PCDHGB3: variants seen among roughly 807,000 people sequenced by gnomAD.
PCDHGB3 encodes the protein protocadherin gamma-B3.
In PCDHGB3, 40 loss-of-function variants were observed where a neutral mutation model predicts 59.2. That is an observed-to-expected ratio of 0.68 (90% CI 0.52 to 0.88). The LOEUF (loss-of-function observed/expected upper bound fraction) is 0.88. Ranked by LOEUF, PCDHGB3 falls within the 40% of genes least tolerant of loss-of-function variation. The pLI is 0.00. For missense variants in PCDHGB3, 1,309 were observed against 1,187.9 expected, an observed-to-expected ratio of 1.10 and a Z score of -1.50; for synonymous variants, 581 against 503.6, an observed-to-expected ratio of 1.15 and a Z score of -2.06.
intron 1 of PCDHGB3, chr5:141,386,080 T>C (rs752371819): frequency 1.3e-5 from 2 of 152,248 alleles, no homozygotes; most frequent in Non-Finnish European, 2.9e-5. Flanking sequence ...GTTTTAGTGG[T>C]ACAGCCAGAT....
intron 1 of PCDHGB3, chr5:141,409,138 A>G (rs2095229593): frequency 1.2e-6 from 2 of 1,614,046 alleles, no homozygotes; most frequent in Non-Finnish European, 1.7e-6. Flanking sequence ...TTGAAGATGT[A>G]GAAAGGTACA....
In PCDHGB3 at chr5:141,381,826, C is replaced by CTTCTTTTTTTTTTT. The variant is rs1777532522; in HGVS notation, c.2415+9019_2415+9020insCTTTTTTTTTTTTT. On this transcript the variant is annotated intron_variant, in intron 1 of 3. Transcript: ENST00000576222. ...TTTCTTTCTTTCTTTCTTTCTTCTT[C>CTTCTTTTTTTTTTT]TTTTTTTTTTTTTTTTTTTTTTGGC... Among the ~76,000 whole-genome samples the CTTCTTTTTTTTTTT allele has an allele frequency of 5.4e-5, 4 of 74,282 alleles. 1 individual carries two copies. Among genetic ancestry groups the CTTCTTTTTTTTTTT allele is most frequent in the African/African-American group, 2.5e-4 (4 of 16,176 alleles). The allele number at this position is 74,282 out of a possible 152,430, so 48.7% of individuals were successfully genotyped here.
intron 1 of PCDHGB3, chr5:141,424,652 G>T (rs1392693867): frequency 6.6e-6 from 1 of 152,120 alleles, no homozygotes; most frequent in East Asian, 1.9e-4. Context: ...AAGGTATTTG[G>T]ACTTTAATTA....
At chr5:141,421,461 G>C (rs1216014695) in intron 1 of PCDHGB3, 2 of 1,614,034 alleles carry the variant, frequency 1.2e-6, no homozygotes, top group Non-Finnish European at 8.5e-7. Context: ...TTTTCGCTGT[G>C]AATCCGCGAA....
intron 1 of PCDHGB3, chr5:141,388,709 C>T (rs370023698): frequency 1.9e-6 from 3 of 1,613,820 alleles, no homozygotes; most frequent in Admixed American, 3.3e-5. Context: ...GTGTCAATGC[C>T]GAGATTACTT....
intron 1 of PCDHGB3, chr5:141,442,400 C>G (rs1478739190): frequency 6.6e-6 from 1 of 152,224 alleles, no homozygotes; most frequent in Admixed American, 6.5e-5. Context: ...TCCTACGAAT[C>G]CAGGGCTGAG....
At position 141,485,562 on chromosome 5, in the gene PCDHGB3, C is replaced by T. The variant is rs779890454; in HGVS notation, c.2416-9245C>T. 2.5e-6 allele frequency: 4 copies of T among 1,612,910 alleles called. No homozygotes were observed. Among genetic ancestry groups the T allele is most frequent in the Admixed American group, 1.7e-5 (1 of 59,996 alleles). On this transcript the variant is annotated intron_variant, in intron 1 of 3. Transcript: ENST00000576222. The surrounding 1 kb of genome is among the most constrained non-coding windows in gnomAD (Gnocchi z 5.7). ...GAGATCGTAGATGTGAATGATCACG[C>T]CCCCCGTTTTCCGCGGCAGCAGCTG... is the stretch of plus-strand genomic sequence containing the variant.
intron 1 of PCDHGB3, among the ~76,000 whole-genome samples, chr5:141,473,404 T>A (rs953797915): frequency 6.6e-6 from 1 of 152,226 alleles, no homozygotes; most frequent in Non-Finnish European, 1.5e-5. Flanking sequence ...TCTTTTTTTC[T>A]TCTTCAGTGG....
At chr5:141,374,730 A>G (rs1770785005) in intron 1 of PCDHGB3, 1 of 1,610,644 alleles carries the variant, frequency 6.2e-7, no homozygotes, top group South Asian at 1.1e-5. Context: ...ACTGCCATGG[A>G]TGGCGGCGAC....
chr5:141,509,199 GTC>G (rs1017134758), intron 3 of PCDHGB3, among the ~76,000 whole-genome samples: 1 of 152,070 alleles, frequency 6.6e-6, no homozygotes, highest in Non-Finnish European at 1.5e-5. Context: ...AATATTTCCT[GTC>G]TCTCTATTTC....
At chr5:141,447,656 C>T (rs1352103605) in intron 1 of PCDHGB3, among the ~76,000 whole-genome samples, 1 of 152,056 alleles carries the variant, frequency 6.6e-6, no homozygotes, top group Non-Finnish European at 1.5e-5. Flanking sequence ...ATTTTCCCCC[C>T]CAGGAAGTTA....
In PCDHGB3 at chr5:141,472,816, G is replaced by A. The variant is rs1186234004; in HGVS notation, c.2416-21991G>A. On this transcript the variant is annotated intron_variant, in intron 1 of 3. Transcript: ENST00000576222. ...GCCTGACCAACATGGAGAAACCCCC[G>A]TCTCTACTAAAAATAGAAAATTAGC... 4.6e-5 allele frequency among the ~76,000 whole-genome samples: 7 copies of A among 151,374 alleles called. No individual in the cohort carries two copies. In the South Asian group the frequency reaches 6.2e-4, roughly 14 times the overall value.
chr5:141,431,604 G>C lies in PCDHGB3; in HGVS notation c.2415+58795G>C. 1 of 1,614,206 alleles carries C rather than the reference G, an allele frequency of 6.2e-7. No individual in the cohort carries two copies. Among genetic ancestry groups the C allele is most frequent in the South Asian group, 1.1e-5 (1 of 91,088 alleles). On this transcript the variant is annotated intron_variant, in intron 1 of 3. Coordinates refer to ENST00000576222, the MANE Select transcript of PCDHGB3 (RefSeq NM_018924.5). The surrounding 1 kb of genome is among the most constrained non-coding windows in gnomAD (Gnocchi z 4.8). ...AATGCGGAAGTGAGGTATTCCTTCC[G>C]GTATGTGGACGACAAGGCGGCCCAA...
intron 1 of PCDHGB3, chr5:141,400,663 A>T: frequency 4.0e-6 from 4 of 995,312 alleles, no homozygotes; most frequent in Non-Finnish European, 6.0e-6. Flanking sequence ...ACCATTCTTT[A>T]AGAGGAGCAG....
rs756549446 is a variant in PCDHGB3 at position 141,477,301 on chromosome 5, C to G, written c.2416-17506C>G. 32 of 1,614,042 alleles carry G rather than the reference C, an allele frequency of 2.0e-5. 2 individuals carry two copies. In the South Asian group the frequency reaches 3.4e-4, roughly 17 times the overall value. On this transcript the variant is annotated intron_variant, in intron 1 of 3. Coordinates refer to ENST00000576222, the MANE Select transcript of PCDHGB3 (RefSeq NM_018924.5). The surrounding 1 kb of genome is among the most constrained non-coding windows in gnomAD (Gnocchi z 4.9). The stretch of plus-strand genomic sequence containing the variant: ...TGACCTGCGAAGTTCCACCGGGTCT[C>G]CCTTTCAGCCTTACTTCTTCCCTCA...
chr5:141,430,108 G>A (rs572634913), intron 1 of PCDHGB3, among the ~76,000 whole-genome samples: 1 of 152,190 alleles, frequency 6.6e-6, no homozygotes, highest in South Asian at 2.1e-4. Context: ...AGCGTTACAT[G>A]TCAACAACCT....
intron 1 of PCDHGB3, among the ~76,000 whole-genome samples, chr5:141,469,802 CATT>C (rs2099211643): frequency 6.6e-6 from 1 of 152,022 alleles, no homozygotes; most frequent in Admixed American, 6.6e-5. Context: ...ATTGCAAAAA[CATT>C]GTAGATAGAA....
At chr5:141,385,375 T>C (rs1781162127) in intron 1 of PCDHGB3, 2 of 1,523,626 alleles carry the variant, frequency 1.3e-6, no homozygotes, top group South Asian at 1.3e-5. Context: ...GCATGATATT[T>C]CTCTATTATT....
chr5:141,448,122 C>A (rs1315243727), intron 1 of PCDHGB3, among the ~76,000 whole-genome samples: 1 of 151,820 alleles, frequency 6.6e-6, no homozygotes, highest in Non-Finnish European at 1.5e-5. Context: ...AAATTAGCCT[C>A]CCCCACCCTC....
Sources: allele counts gnomAD v4.1 joint callset (sites outside exome capture counted in the v4.1 genomes callset), GRCh38; gene constraint gnomAD v4.1.1; non-coding constraint Gnocchi (gnomAD v3.1); transcripts MANE v1.5; gene names NCBI Gene and HGNC (gene_info 2026-07-23, HGNC 2026-07-21).